MAP3K9: variants seen among roughly 807,000 people sequenced by gnomAD.
MAP3K9 encodes mitogen-activated protein kinase kinase kinase 9.
MAP3K9 carries 46 observed loss-of-function variants against 95.8 expected under a neutral mutation model. That is an observed-to-expected ratio of 0.48 (90% CI 0.38 to 0.61). MAP3K9 has a LOEUF of 0.61. Ranked by LOEUF, MAP3K9 falls within the 20% of genes least tolerant of loss-of-function variation. The pLI, the probability that MAP3K9 is intolerant of heterozygous loss-of-function variation, is 0.00. For missense variants in MAP3K9, 1,296 were observed against 1,474.3 expected, an observed-to-expected ratio of 0.88 and a Z score of 1.98; for synonymous variants, 533 against 593.8, an observed-to-expected ratio of 0.90 and a Z score of 1.49.
intron 6 of MAP3K9, 24 bp from the exon 7 acceptor site, chr14:70,740,188 T>G (rs2139727233): frequency 6.2e-7 from 1 of 1,605,056 alleles, no homozygotes; most frequent in East Asian, 2.2e-5. Flanking sequence ...GACAAACACG[T>G]GTATGCATTA....
intron 3 of MAP3K9, among the ~76,000 whole-genome samples, chr14:70,754,162 CTTA>C (rs920082426): frequency 6.6e-6 from 1 of 152,184 alleles, no homozygotes; most frequent in African/African-American, 2.4e-5. Flanking sequence ...AATTCTTCTT[CTTA>C]TTAACTGAAC....
chr14:70,735,366 C>CTT (rs10716151), intron 9 of MAP3K9, among the ~76,000 whole-genome samples: 4 of 140,136 alleles, frequency 2.9e-5, no homozygotes, highest in African/African-American at 7.9e-5. Flanking sequence ...CAGAGTGGCT[C>CTT]TTTTTTTTTT....
chr14:70,730,569 A>T lies in MAP3K9; in HGVS notation c.3126T>A (p.Thr1042=). The T allele has an allele frequency of 6.2e-7, 1 of 1,614,036 alleles. No homozygotes were observed. The change falls in exon 12 of 12, where the codon ACT becomes ACA. Residue 1042 remains threonine, a synonymous_variant. Coordinates refer to ENST00000554752, the MANE Select transcript of MAP3K9 (RefSeq NM_001284230.2). ...LDSCFASSSS[T]VEERPGLPAL... ...CTGGAAGTCCAGGCCGCTCCTCTAC[A>T]GTGCTGCTACTGCTAGCAAAGCAGG...
chr14:70,802,504 T>G (rs2054941549), intron 1 of MAP3K9, among the ~76,000 whole-genome samples: 1 of 152,222 alleles, frequency 6.6e-6, no homozygotes, highest in Admixed American at 6.5e-5. Context: ...TGGTGCTAAG[T>G]GCTATATGAG....
At chr14:70,792,907 C>G (rs1427219797) in intron 2 of MAP3K9, among the ~76,000 whole-genome samples, 3 of 152,228 alleles carry the variant, frequency 2.0e-5, no homozygotes, top group Non-Finnish European at 4.4e-5. Context: ...CTGGTGAAAG[C>G]ATGTCTTCAG....
rs1288801619 is a variant in MAP3K9 at position 70,726,153 on chromosome 14, TG to T, written c.*4226del. The T allele has an allele frequency of 6.6e-6, 1 of 152,270 alleles. No individual in the cohort carries two copies. Among genetic ancestry groups the T allele is most frequent in the Non-Finnish European group, 1.5e-5 (1 of 68,076 alleles). The allele number at this position is 152,270 out of a possible 1,614,324, so 9.4% of individuals were successfully genotyped here. A position where few individuals can be genotyped will look rare whatever the true frequency, so the allele number is the denominator to read the frequency against. ...GCTCTTTGCTTTGTTAAAAGTGAGC[TG>T]GATGAGTTAGGATTGCTCGGGAGGT... is the stretch of plus-strand genomic sequence containing the variant. On this transcript the variant is annotated 3_prime_UTR_variant, in exon 12 of 12. Transcript: ENST00000554752.
chr14:70,801,483 C>G (rs2054929800), intron 1 of MAP3K9, among the ~76,000 whole-genome samples: 1 of 152,124 alleles, frequency 6.6e-6, no homozygotes, highest in African/African-American at 2.4e-5. Flanking sequence ...AATGCCTGAG[C>G]TCAAGCAATC....
chr14:70,742,771 G>A (rs1002633040), intron 5 of MAP3K9, among the ~76,000 whole-genome samples, 180 bp from the exon 6 acceptor site: 2 of 152,000 alleles, frequency 1.3e-5, no homozygotes, highest in African/African-American at 2.4e-5. Context: ...TTGAATGGTG[G>A]GGAAAGGAAG....
In MAP3K9 at chr14:70,809,049, C is replaced by G; in HGVS notation, c.123G>C (p.Ala41=). ...AGCCCAGCTCCCCGGGGCCCACCGC[C>G]GCCGCCGCCTCCTCCTCCTCCTCCT... ...EEEEEEEEAA[A]AVGPGELGCD... Residue 41 remains alanine (A), a synonymous_variant, in exon 1 of 12, where the codon GCG becomes GCC. Transcript: ENST00000554752. The G allele has an allele frequency of 1.4e-6, 2 of 1,459,284 alleles. No individual in the cohort carries two copies. Among genetic ancestry groups the G allele is most frequent in the African/African-American group, 3.0e-5 (2 of 67,498 alleles). The allele number at this position is 1,459,284 out of a possible 1,614,324, so 90.4% of individuals were successfully genotyped here.
At chr14:70,755,845 T>C (rs748686217) in intron 3 of MAP3K9, among the ~76,000 whole-genome samples, 1 of 152,194 alleles carries the variant, frequency 6.6e-6, no homozygotes. Flanking sequence ...TCAGGAGGCT[T>C]AAGTCCTGGG....
chr14:70,736,229 T>C (rs1250599046), intron 8 of MAP3K9, among the ~76,000 whole-genome samples, 200 bp from the exon 9 acceptor site: 3 of 152,160 alleles, frequency 2.0e-5, no homozygotes, highest in African/African-American at 4.8e-5. Flanking sequence ...CAAAGATCCC[T>C]GGGCAGCTGC....
chr14:70,765,312 A>ACTCCAGCACTCACTCTGTC, intron 2 of MAP3K9: 1 of 397,248 alleles, frequency 2.5e-6, no homozygotes, highest in Non-Finnish European at 4.5e-6. Flanking sequence ...CCTGGGTGAC[A>ACTCCAGCACTCACTCTGTC]GAGTGAGACT....
intron 2 of MAP3K9, among the ~76,000 whole-genome samples, chr14:70,770,530 G>C (rs1473229995): frequency 6.6e-6 from 1 of 152,078 alleles, no homozygotes; most frequent in East Asian, 1.9e-4. Context: ...TTAGCATCGA[G>C]GGTTGGGCAA....
In MAP3K9 at chr14:70,800,905, G is replaced by A. The variant is rs1263152217; in HGVS notation, c.582C>T (p.Leu194=). The stretch of plus-strand genomic sequence containing the variant: ...TGTTGGGGTGCTTCAGCATGGCGAA[G>A]AGCTTGGCCTCTTGGCGAACATTCT... ...TIENVRQEAK[L]FAMLKHPNII... The change falls in exon 2 of 12, where the codon CTC becomes CTT. Residue 194 remains leucine (L), a synonymous_variant. Coordinates refer to ENST00000554752, the MANE Select transcript of MAP3K9 (RefSeq NM_001284230.2). The A allele has an allele frequency of 6.2e-7, 1 of 1,614,092 alleles. No homozygotes were observed. The highest frequency in any genetic ancestry group is 8.5e-7 in the Non-Finnish European group (1 of 1,180,050).
In MAP3K9 at chr14:70,800,784, T is replaced by G. The variant is rs747590864; in HGVS notation, c.703A>C (p.Lys235Gln). 1 of 1,614,090 alleles carries G rather than the reference T, an allele frequency of 6.2e-7. No homozygotes were observed. Among genetic ancestry groups the G allele is most frequent in the Non-Finnish European group, 8.5e-7 (1 of 1,180,022 alleles). Residue 235 changes from lysine to glutamine, a missense_variant, in exon 2 of 12, where the codon AAA becomes CAA. Lys to Gln is a moderately conservative substitution (Grantham distance 53). Around this residue, in one of 5 missense-constraint regions of MAP3K9, gnomAD observed 338 missense variants for 363.4 expected, o/e 0.93. Transcript: ENST00000554752. ...ACCAGGATGTCTGGGGGAATCCTTT[T>G]CCCAGATAACACTCTATTCAAAGGT... ...GGPLNRVLSG[K>Q]RIPPDILVNW...
rs1413238975 is a variant in MAP3K9, at chr14:70,726,771, C to G, written c.*3609G>C. 1 of 152,394 alleles carries G rather than the reference C, an allele frequency of 6.6e-6. No homozygotes were observed. The highest frequency in any genetic ancestry group is 1.9e-4 in the East Asian group (1 of 5,184). 9.4% of individuals were successfully genotyped at this position (152,394 alleles called of 1,614,324 possible). A position where few individuals can be genotyped will look rare whatever the true frequency, so the allele number is the denominator to read the frequency against. On this transcript the variant is annotated 3_prime_UTR_variant, in exon 12 of 12. Coordinates refer to ENST00000554752, the MANE Select transcript of MAP3K9 (RefSeq NM_001284230.2). ...AGGCAAAGGTGATGAGAGCCACACT[C>G]TCAACTTCAGCGATTCATCCTGTAT...
intron 2 of MAP3K9, among the ~76,000 whole-genome samples, chr14:70,762,924 G>A (rs952576713): frequency 6.6e-6 from 1 of 152,148 alleles, no homozygotes; most frequent in African/African-American, 2.4e-5. Flanking sequence ...AACAGGGGTC[G>A]AATTTCATTC....
chr14:70,793,208 C>T (rs1453938817), intron 2 of MAP3K9, among the ~76,000 whole-genome samples: 2 of 152,154 alleles, frequency 1.3e-5, no homozygotes, highest in African/African-American at 4.8e-5. Context: ...ACAGTGGAGA[C>T]GTGGGCCAGT....
chr14:70,762,020 C>G (rs552085785), intron 2 of MAP3K9, among the ~76,000 whole-genome samples: 16 of 152,320 alleles, frequency 1.1e-4, no homozygotes, highest in Admixed American at 9.1e-4. Flanking sequence ...ATATGTGACA[C>G]ACCTGCTTAT....
Sources: gnomAD v4.1 joint callset for allele counts (sites outside exome capture counted in the v4.1 genomes callset) on GRCh38, gnomAD v4.1.1 for gene constraint, gnomAD v4.1.1 regional missense constraint, MANE v1.5 for transcripts, NCBI Gene and HGNC (gene_info 2026-07-23, HGNC 2026-07-21) for gene names.